Variants in PHF24 observed in about 807,000 individuals in gnomAD.
PHF24 encodes the protein PHD finger protein 24.
In PHF24, 25 loss-of-function variants were observed where a neutral mutation model predicts 42.6. The observed-to-expected ratio is 0.59, with a 90% CI of 0.43 to 0.82. The LOEUF (loss-of-function observed/expected upper bound fraction) is 0.82, where lower values mean the gene tolerates loss of function less well. PHF24 is among the 40% of genes least tolerant of loss of function. The probability of loss-of-function intolerance (pLI) is 0.00; values close to 1 mark genes in which losing one functional copy is unlikely to be tolerated. For missense variants in PHF24, 470 were observed against 538.1 expected, an observed-to-expected ratio of 0.87 and a Z score of 1.25; for synonymous variants, 185 against 204.8, an observed-to-expected ratio of 0.90 and a Z score of 0.83.
the PHF24 span, among the ~76,000 whole-genome samples, chr9:34,900,045 ACT>A: frequency 1.3e-5 from 2 of 152,016 alleles, no homozygotes; most frequent in Admixed American, 6.6e-5. Flanking sequence ...CTCCCCTCAC[ACT>A]CAAAATTTGA....
chr9:34,686,911 G>T, the PHF24 span, among the ~76,000 whole-genome samples: 4 of 152,194 alleles, frequency 2.6e-5, no homozygotes. Flanking sequence ...AGAGGAAGCA[G>T]ATGTTGATTA....
chr9:34,730,716 TAGTG>T, the PHF24 span, among the ~76,000 whole-genome samples: 18 of 152,334 alleles, frequency 1.2e-4, no homozygotes, highest in African/African-American at 4.1e-4. Flanking sequence ...AGAGAAATCA[TAGTG>T]AGGATCATGG....
At chr9:34,856,325 G>A in the PHF24 span, among the ~76,000 whole-genome samples, 1 of 152,114 alleles carries the variant, frequency 6.6e-6, no homozygotes, top group Non-Finnish European at 1.5e-5. Flanking sequence ...CTGGAGAGGT[G>A]TTGTGATCAT....
At chr9:34,797,565 C>T in the PHF24 span, among the ~76,000 whole-genome samples, 1 of 152,166 alleles carries the variant, frequency 6.6e-6, no homozygotes, top group African/African-American at 2.4e-5. Context: ...TGCCTTATTC[C>T]ACCAGTCGAT....
the PHF24 span, among the ~76,000 whole-genome samples, chr9:34,803,316 C>CT: frequency 6.6e-6 from 1 of 151,850 alleles, no homozygotes; most frequent in African/African-American, 2.4e-5. Context: ...AAATGAATAC[C>CT]TTTTTGATAT....
At chr9:34,941,595 T>C in the PHF24 span, among the ~76,000 whole-genome samples, 1 of 152,200 alleles carries the variant, frequency 6.6e-6, no homozygotes, top group Non-Finnish European at 1.5e-5. Context: ...GGGTACCTTA[T>C]AAACAACAGA....
At chr9:34,765,383 C>A in the PHF24 span, among the ~76,000 whole-genome samples, 1 of 149,664 alleles carries the variant, frequency 6.7e-6, no homozygotes, top group Admixed American at 6.7e-5. Context: ...TCTGGGTGCT[C>A]CTGTATTGGG....
At chr9:34,974,493 C>T (rs1454578211) in intron 3 of PHF24, among the ~76,000 whole-genome samples, 4 of 152,092 alleles carry the variant, frequency 2.6e-5, no homozygotes, top group Admixed American at 2.6e-4. Context: ...TTAACATTAC[C>T]TCCCACATTC....
At chr9:34,813,465 A>T in the PHF24 span, among the ~76,000 whole-genome samples, 1 of 152,184 alleles carries the variant, frequency 6.6e-6, no homozygotes, top group Non-Finnish European at 1.5e-5. Flanking sequence ...TTGTGGTCTC[A>T]TAGGCTGCAG....
At chr9:34,865,600 T>A in the PHF24 span, among the ~76,000 whole-genome samples, 43 of 146,976 alleles carry the variant, frequency 2.9e-4, no homozygotes, top group Middle Eastern at 6.9e-3. Context: ...ATAAAAAAAA[T>A]AAATGAAAGC....
At position 34,963,248 on chromosome 9, in the gene PHF24, C is replaced by G. The variant is rs78859243; in HGVS notation, c.-5+4847C>G. ...TTCCTCAAAGACCCGCACGAGAACT[C>G]TTTTTGATGGTTTTTTTTTTTTTTT... On this transcript the variant is annotated intron_variant, in intron 1 of 7. Coordinates refer to ENST00000242315, the Ensembl canonical transcript of PHF24. Among the ~76,000 whole-genome samples the G allele has an allele frequency of 3.3e-3, 439 of 134,086 alleles. 1 individual carries two copies. Among genetic ancestry groups the G allele is most frequent in the African/African-American group, 0.012 (418 of 36,034 alleles). The allele number at this position is 134,086 out of a possible 152,430, so 88.0% of individuals were successfully genotyped here.
At chr9:34,883,095 G>C in the PHF24 span, among the ~76,000 whole-genome samples, 68 of 152,118 alleles carry the variant, frequency 4.5e-4, no homozygotes, top group African/African-American at 1.5e-3. Context: ...ACAAACCTGA[G>C]AAAAACAAGC....
chr9:34,686,426 C>T, the PHF24 span, among the ~76,000 whole-genome samples: 457 of 152,166 alleles, frequency 3.0e-3, 1 homozygote, highest in Admixed American at 5.8e-3. Context: ...TGGTGGGGGG[C>T]GGGGCATGGT....
At chr9:34,948,105 G>A in the PHF24 span, among the ~76,000 whole-genome samples, 9 of 139,466 alleles carry the variant, frequency 6.5e-5, no homozygotes, top group Middle Eastern at 4.1e-3. Context: ...GCGAGACTCC[G>A]TCTCAAAAAA....
At chr9:34,717,916 T>C in the PHF24 span, among the ~76,000 whole-genome samples, 36 of 152,204 alleles carry the variant, frequency 2.4e-4, no homozygotes, top group African/African-American at 8.4e-4. Flanking sequence ...CTGAACTAGT[T>C]TCTGAGTGGC....
upstream of PHF24, among the ~76,000 whole-genome samples, chr9:34,957,856 G>A (rs1826417189): frequency 1.3e-5 from 2 of 150,330 alleles, no homozygotes; most frequent in African/African-American, 4.9e-5. Flanking sequence ...CGCGGAACGC[G>A]AGCGGTGAGC....
the PHF24 span, among the ~76,000 whole-genome samples, chr9:34,770,886 G>T: frequency 1.3e-5 from 2 of 152,070 alleles, no homozygotes; most frequent in Admixed American, 6.6e-5. Flanking sequence ...GGCTGAAGTG[G>T]GTGTATTACT....
At chr9:34,728,796 G>T in the PHF24 span, 1 of 800,344 alleles carries the variant, frequency 1.2e-6, no homozygotes, top group Non-Finnish European at 2.0e-6. Context: ...GACTTCCTTT[G>T]CCTATTCCAC....
chr9:34,922,047 G>A, the PHF24 span: 9 of 795,906 alleles, frequency 1.1e-5, no homozygotes, highest in South Asian at 5.2e-5. Flanking sequence ...TAAAAACCAC[G>A]TGGGAAATAT....
Sources: gnomAD v4.1 joint callset for allele counts (sites outside exome capture counted in the v4.1 genomes callset) on GRCh38, gnomAD v4.1.1 for gene constraint, MANE v1.5 for transcripts, NCBI Gene and HGNC (gene_info 2026-07-23, HGNC 2026-07-21) for gene names.